The following NAV2 variants were observed in gnomAD, a reference collection of about 807,000 sequenced individuals.
NAV2 encodes the protein helicase, APC down-regulated 1.
Under a neutral mutation model 223.2 loss-of-function variants are expected in NAV2, and 54 were observed. The ratio of observed to expected loss-of-function variants is 0.24; its 90% CI spans 0.19 to 0.30. The LOEUF is 0.30. Among genes scored for constraint, NAV2 ranks in the 10% least tolerant of loss-of-function variants. The pLI is 1.00. For synonymous variants in NAV2, 1,279 were observed against 1,239.3 expected (o/e 1.03, Z -0.67); for missense variants, 2,806 against 3,147.5 (o/e 0.89, Z 2.60).
intron 1 of NAV2, among the ~76,000 whole-genome samples, chr11:19,799,195 TG>T (rs1452830021): frequency 6.6e-6 from 1 of 152,200 alleles, no homozygotes; most frequent in Admixed American, 6.5e-5. Flanking sequence ...AGCGTTCTTA[TG>T]CCCACATGAA....
intron 6 of NAV2, among the ~76,000 whole-genome samples, chr11:19,917,831 G>A (rs961617013): frequency 6.6e-6 from 1 of 152,170 alleles, no homozygotes; most frequent in South Asian, 2.1e-4. Context: ...AAGACAAGCT[G>A]GTCTCGAACT....
intron 8 of NAV2, among the ~76,000 whole-genome samples, chr11:19,944,626 T>C (rs560568989): frequency 1.2e-3 from 151 of 126,812 alleles, no homozygotes; most frequent in African/African-American, 3.8e-3. Context: ...TCTTTTTCTT[T>C]TTTCTTTCCT....
chr11:19,466,390 G>A (rs989239936), intron 1 of NAV2, among the ~76,000 whole-genome samples: 2 of 152,184 alleles, frequency 1.3e-5, no homozygotes, highest in African/African-American at 4.8e-5. Flanking sequence ...ATCATTTCTA[G>A]TTTGGGGGTG....
chr11:19,856,051 A>T (rs2061394310), intron 3 of NAV2, among the ~76,000 whole-genome samples: 2 of 152,248 alleles, frequency 1.3e-5, no homozygotes. Flanking sequence ...AATGACCAAT[A>T]TTTAACCATT....
chr11:20,103,568 G>GCA (rs1275792083), intron 33 of NAV2, 85 bp from the exon 34 acceptor site: 1 of 1,511,098 alleles, frequency 6.6e-7, no homozygotes, highest in African/African-American at 1.4e-5. Context: ...TGGCCTGGAA[G>GCA]CACAGGGCCA....
At chr11:19,347,861 C>G (rs1173607748), upstream of NAV2, among the ~76,000 whole-genome samples, 1 of 152,178 alleles carries the variant, frequency 6.6e-6, no homozygotes, top group Non-Finnish European at 1.5e-5. Flanking sequence ...GAAACCAGAG[C>G]TTTTACATCA....
chr11:19,372,976 T>C (rs776812280), intron 1 of NAV2, among the ~76,000 whole-genome samples: 3 of 152,240 alleles, frequency 2.0e-5, no homozygotes, highest in African/African-American at 4.8e-5. Context: ...TTTATTCTCT[T>C]TGAAACCTAT....
At chr11:19,874,133 AT>A (rs1275260182) in intron 4 of NAV2, among the ~76,000 whole-genome samples, 5 of 152,208 alleles carry the variant, frequency 3.3e-5, no homozygotes, top group African/African-American at 9.6e-5. Context: ...CTCTTTAAAA[AT>A]GTTGAAAGAA....
At chr11:19,752,139 A>G (rs1215648388) in intron 1 of NAV2, among the ~76,000 whole-genome samples, 3 of 152,136 alleles carry the variant, frequency 2.0e-5, no homozygotes. Flanking sequence ...AACTAATTAC[A>G]TCCCCATCTT....
chr11:19,979,349 G>A (rs2050097610), intron 10 of NAV2, among the ~76,000 whole-genome samples: 1 of 152,066 alleles, frequency 6.6e-6, no homozygotes, highest in African/African-American at 2.4e-5. Context: ...GCAGAGGCCT[G>A]GCATCCAAGA....
Position 19,465,973 on chromosome 11 carries a change from G to A in NAV2, c.75+114946G>A, listed in dbSNP as rs1234049567. Among the ~76,000 whole-genome samples the A allele has an allele frequency of 5.3e-5, 8 of 152,320 alleles. No individual in the cohort carries two copies. The East Asian group carries it at 5.8e-4, about 11-fold the overall frequency. On this transcript the variant is annotated intron_variant, in intron 1 of 37. Transcript: ENST00000360655. ...GAGCACCAACTGTTTCCCACAAAGT[G>A]TGACACTTTCTAGAGATGTAGGGGT...
intron 1 of NAV2, among the ~76,000 whole-genome samples, chr11:19,813,983 A>G (rs1239878536): frequency 6.6e-6 from 1 of 152,198 alleles, no homozygotes; most frequent in African/African-American, 2.4e-5. Flanking sequence ...GAGCCCTCCA[A>G]GCAGGACTTT....
intron 1 of NAV2, among the ~76,000 whole-genome samples, chr11:19,364,398 C>T (rs1854142425): frequency 1.3e-5 from 2 of 152,206 alleles, no homozygotes; most frequent in African/African-American, 4.8e-5. Flanking sequence ...GCTCTCCTTC[C>T]TGACAGAGGG....
At chr11:19,945,465 TCTAAA>T (rs1288654462) in intron 8 of NAV2, among the ~76,000 whole-genome samples, 1 of 151,920 alleles carries the variant, frequency 6.6e-6, no homozygotes, top group African/African-American at 2.4e-5. Context: ...ACCTCTACCT[TCTAAA>T]CTAAAGACAT....
At chr11:19,853,157 T>C (rs1166346629) in intron 3 of NAV2, among the ~76,000 whole-genome samples, 1 of 152,152 alleles carries the variant, frequency 6.6e-6, no homozygotes, top group Non-Finnish European at 1.5e-5. Context: ...TTGGTATGCC[T>C]AGGGAGGAGC....
intron 1 of NAV2, among the ~76,000 whole-genome samples, chr11:19,566,219 C>A (rs1484925527): frequency 6.6e-6 from 1 of 151,910 alleles, no homozygotes; most frequent in Non-Finnish European, 1.5e-5. Flanking sequence ...TACAGGTGCA[C>A]GCCAACACAC....
intron 1 of NAV2, among the ~76,000 whole-genome samples, chr11:19,735,901 G>A (rs2052246039): frequency 6.6e-6 from 1 of 152,200 alleles, no homozygotes; most frequent in Non-Finnish European, 1.5e-5. Flanking sequence ...GGAGGAAGGA[G>A]CTAGAATGCT....
chr11:19,853,180 A>ATTTTTGACAGTCTCCTGGGTGCTG (rs2061239487), intron 3 of NAV2, among the ~76,000 whole-genome samples: 1 of 152,154 alleles, frequency 6.6e-6, no homozygotes, highest in Non-Finnish European at 1.5e-5. Flanking sequence ...GGGAATTTGC[A>ATTTTTGACAGTCTCCTGGGTGCTG]TTTTTGACAG....
At chr11:20,084,407 A>G (rs533610528) in intron 26 of NAV2, among the ~76,000 whole-genome samples, 3 of 152,286 alleles carry the variant, frequency 2.0e-5, no homozygotes, top group Admixed American at 1.3e-4. Context: ...CAGGGTTATG[A>G]CTTTTAAGCA....
Sources: gnomAD v4.1 joint callset for allele counts (sites outside exome capture counted in the v4.1 genomes callset) on GRCh38, gnomAD v4.1.1 for gene constraint, MANE v1.5 for transcripts, NCBI Gene and HGNC (gene_info 2026-07-23, HGNC 2026-07-21) for gene names.